CTDP1: variants seen among roughly 807,000 people sequenced by gnomAD.
CTDP1 encodes RNA polymerase II subunit A C-terminal domain phosphatase.
A neutral mutation model predicts 91.8 loss-of-function variants in CTDP1; 47 were observed. The observed-to-expected ratio is 0.51, with a 90% CI of 0.41 to 0.65. The LOEUF (loss-of-function observed/expected upper bound fraction) is 0.65. Ranked by LOEUF, CTDP1 falls within the 30% of genes least tolerant of loss-of-function variation. The pLI, the probability that CTDP1 is intolerant of heterozygous loss-of-function variation, is 0.00. For missense variants in CTDP1, 1,272 were observed against 1,373.7 expected (o/e 0.93, Z 1.17); for synonymous variants, 656 against 598.5 (o/e 1.10, Z -1.40).
chr18:79,695,160 A>G (rs1421315021), intron 1 of CTDP1, 65 bp from the exon 2 acceptor site: 15 of 1,465,560 alleles, frequency 1.0e-5, no homozygotes, highest in Middle Eastern at 1.7e-4. Context: ...TAAAATTCTT[A>G]CTTGGGGGCT....
At chr18:79,694,115 G>A (rs930717217) in intron 1 of CTDP1, among the ~76,000 whole-genome samples, 11 of 152,174 alleles carry the variant, frequency 7.2e-5, no homozygotes, top group South Asian at 6.2e-4. Flanking sequence ...TCTCATGTCC[G>A]CGGGTCAGGG....
intron 9 of CTDP1, 40 bp from the exon 10 acceptor site, chr18:79,717,770 G>A (rs993287815): frequency 2.5e-5 from 40 of 1,613,498 alleles, no homozygotes; most frequent in Middle Eastern, 1.6e-4. Flanking sequence ...CTCATCACCC[G>A]GACGCCCCGC....
intron 12 of CTDP1, among the ~76,000 whole-genome samples, chr18:79,737,747 G>A (rs191082141): frequency 3.3e-5 from 5 of 152,230 alleles, no homozygotes; most frequent in South Asian, 2.1e-4. Flanking sequence ...GATTCTTAGC[G>A]TTCAACATAC....
At chr18:79,740,230 G>A (rs1364631311) in intron 12 of CTDP1, among the ~76,000 whole-genome samples, 1 of 152,162 alleles carries the variant, frequency 6.6e-6, no homozygotes, top group Non-Finnish European at 1.5e-5. Context: ...CTCCCTGCCT[G>A]CACCACGCCT....
At chr18:79,682,421 A>G (rs1018254545) in intron 1 of CTDP1, among the ~76,000 whole-genome samples, 4 of 152,208 alleles carry the variant, frequency 2.6e-5, no homozygotes, top group African/African-American at 4.8e-5. Flanking sequence ...GTCTCTCCAT[A>G]GAGAGTTGCA....
At chr18:79,723,099 C>CCAGCGTGGTCTCCTG (rs1432845217) in intron 10 of CTDP1, among the ~76,000 whole-genome samples, 2 of 152,232 alleles carry the variant, frequency 1.3e-5, no homozygotes, top group Middle Eastern at 3.2e-3. Context: ...ATAAACGGGT[C>CCAGCGTGGTCTCCTG]CAGCGTGGTC....
At chr18:79,732,795 C>T (rs2086591829) in intron 11 of CTDP1, among the ~76,000 whole-genome samples, 1 of 150,106 alleles carries the variant, frequency 6.7e-6, no homozygotes, top group African/African-American at 2.5e-5. Context: ...GTAAGAACTC[C>T]CTAACAGGAG....
chr18:79,690,454 T>A (rs2085597296), intron 1 of CTDP1, among the ~76,000 whole-genome samples: 1 of 152,220 alleles, frequency 6.6e-6, no homozygotes, highest in Non-Finnish European at 1.5e-5. Context: ...TGGTTGGGTG[T>A]TTTTACGTTT....
chr18:79,737,126 C>T (rs148933694), intron 12 of CTDP1, among the ~76,000 whole-genome samples: 12 of 152,326 alleles, frequency 7.9e-5, no homozygotes, highest in East Asian at 1.9e-4. Context: ...GCGCTTCCTT[C>T]GCCATGAATG....
At position 79,715,340 on chromosome 18, in the gene CTDP1, C is replaced by T. The variant is rs1478808051; in HGVS notation, c.1880C>T (p.Pro627Leu). Reference protein sequence around the residue: ...EEAPDIRKIVPELKSKVLADV... With the variant: ...EEAPDIRKIVLELKSKVLADV... The stretch of plus-strand genomic sequence containing the variant: ...GCGCCGGACATCCGCAAGATCGTGC[C>T]GGAGCTCAAGAGCAAGGTGCTGGCA... The change falls in exon 8 of 13, where the codon CCG (proline) becomes CTG (leucine). Residue 627 changes from proline to leucine, a missense_variant. Physicochemically the swap from Pro to Leu is moderately conservative, Grantham distance 98. Coordinates refer to ENST00000613122, the MANE Select transcript of CTDP1 (RefSeq NM_004715.5). The T allele has an allele frequency of 4.4e-6, 7 of 1,608,700 alleles. No homozygotes were observed. Among genetic ancestry groups the T allele is most frequent in the Non-Finnish European group, 5.9e-6 (7 of 1,177,500 alleles).
intron 6 of CTDP1, among the ~76,000 whole-genome samples, chr18:79,711,733 C>A (rs114802386): frequency 0.014 from 2,152 of 152,292 alleles, 54 homozygotes; most frequent in African/African-American, 0.048. Flanking sequence ...TCTTCCTTTC[C>A]ATCAGCTCCA....
chr18:79,750,559 TCTC>T (rs2086975528), intron 12 of CTDP1, among the ~76,000 whole-genome samples: 1 of 151,074 alleles, frequency 6.6e-6, no homozygotes, highest in Admixed American at 6.6e-5. Context: ...AGTGGCGTGA[TCTC>T]AGCTCACTGC....
upstream of CTDP1, chr18:79,679,303 G>T (rs558838752): frequency 1.2e-5 from 5 of 417,282 alleles, no homozygotes; most frequent in East Asian, 3.6e-4. Context: ...GACACGAGGC[G>T]GGGCCACCAG....
intron 1 of CTDP1, among the ~76,000 whole-genome samples, chr18:79,693,210 C>T (rs578031553): frequency 6.6e-5 from 10 of 150,750 alleles, no homozygotes; most frequent in South Asian, 4.2e-4. Context: ...GTGTGGTGAC[C>T]GGGAGGGAGG....
At chr18:79,730,887 G>A (rs1016843873) in intron 11 of CTDP1, among the ~76,000 whole-genome samples, 1 of 152,262 alleles carries the variant, frequency 6.6e-6, no homozygotes, top group Non-Finnish European at 1.5e-5. Flanking sequence ...GTGAGGTTGT[G>A]AATTTGGATC....
intron 1 of CTDP1, among the ~76,000 whole-genome samples, chr18:79,683,990 AGGAATAACG>A (rs2085430625): frequency 6.6e-6 from 1 of 152,248 alleles, no homozygotes; most frequent in Non-Finnish European, 1.5e-5. Flanking sequence ...CTTATTTTTC[AGGAATAACG>A]GGAAGTATCT....
chr18:79,742,322 G>A (rs761661453), intron 12 of CTDP1, among the ~76,000 whole-genome samples: 4 of 151,896 alleles, frequency 2.6e-5, no homozygotes, highest in Non-Finnish European at 2.9e-5. Flanking sequence ...GGCATGAGGC[G>A]TCCATGGGAG....
intron 11 of CTDP1, among the ~76,000 whole-genome samples, chr18:79,731,265 A>G (rs2086560740): frequency 6.6e-6 from 1 of 152,102 alleles, no homozygotes; most frequent in Admixed American, 6.5e-5. Flanking sequence ...GGGTGTCGAG[A>G]TCTCTGGCCA....
intron 12 of CTDP1, among the ~76,000 whole-genome samples, chr18:79,740,585 T>G (rs971996590): frequency 6.6e-6 from 1 of 152,258 alleles, no homozygotes; most frequent in African/African-American, 2.4e-5. Context: ...GCAATGCGTT[T>G]CGTACAGAAG....
Sources: gnomAD v4.1 joint callset for allele counts (sites outside exome capture counted in the v4.1 genomes callset) on GRCh38, gnomAD v4.1.1 for gene constraint, MANE v1.5 for transcripts, NCBI Gene and HGNC (gene_info 2026-07-23, HGNC 2026-07-21) for gene names.